RTL4: variants seen among roughly 807,000 people sequenced by gnomAD.
RTL4 encodes the protein retrotransposon Gag-like protein 4.
In RTL4, 4 loss-of-function variants were observed where a neutral mutation model predicts 5.3. That is an observed-to-expected ratio of 0.75 (90% CI 0.37 to 1.72). The LOEUF (loss-of-function observed/expected upper bound fraction) is 1.72, where lower values mean the gene tolerates loss of function less well. Ranked by LOEUF, RTL4 falls within the 40% of genes most tolerant of loss-of-function variation. The pLI, the probability that RTL4 is intolerant of heterozygous loss-of-function variation, is 0.04. For synonymous variants in RTL4, 98 were observed against 87.3 expected, an observed-to-expected ratio of 1.12 and a Z score of -0.68; for missense variants, 260 against 227.1, an observed-to-expected ratio of 1.14 and a Z score of -0.93.
chrX:112,445,284 G>A, the RTL4 span, among the ~76,000 whole-genome samples: 5 of 111,952 alleles, frequency 4.5e-5, no homozygotes, highest in Non-Finnish European at 7.5e-5. Context: ...TAGTTCTTCC[G>A]TTTACTTTCC....
chrX:112,332,158 TA>T, the RTL4 span, among the ~76,000 whole-genome samples: 9,280 of 92,618 alleles, frequency 0.1, 1,014 homozygotes, highest in African/African-American at 0.32. Context: ...TAAAGTACAA[TA>T]AAAAAAAAAA....
upstream of RTL4, among the ~76,000 whole-genome samples, chrX:112,452,436 T>C (rs182934906): frequency 9.2e-6 from 1 of 108,845 alleles, no homozygotes; most frequent in African/African-American, 3.3e-5. Flanking sequence ...TTGAAGAACA[T>C]CTTAGCTATC....
chrX:112,306,972 C>A, the RTL4 span, among the ~76,000 whole-genome samples: 5 of 102,431 alleles, frequency 4.9e-5, no homozygotes, highest in African/African-American at 1.8e-4. Flanking sequence ...CTCTGCTCAG[C>A]ATCTGTTAGA....
chrX:112,212,466 A>G, the RTL4 span, among the ~76,000 whole-genome samples: 1 of 112,978 alleles, frequency 8.9e-6, no homozygotes, highest in South Asian at 3.6e-4. Flanking sequence ...TGCTACTGCT[A>G]TTAGGACAAG....
chrX:112,447,223 T>G, the RTL4 span, among the ~76,000 whole-genome samples: 1 of 111,905 alleles, frequency 8.9e-6, no homozygotes, highest in African/African-American at 3.2e-5. Flanking sequence ...AAACATGGTT[T>G]CTCAGATAGA....
chrX:112,169,063 TC>T, the RTL4 span, among the ~76,000 whole-genome samples: 2 of 39,788 alleles, frequency 5.0e-5, no homozygotes, highest in African/African-American at 1.4e-4. Flanking sequence ...TTTCTTTCTT[TC>T]TTTCTTTTTT....
chrX:112,355,317 G>A, the RTL4 span, among the ~76,000 whole-genome samples: 1 of 111,279 alleles, frequency 9.0e-6, no homozygotes, highest in East Asian at 2.8e-4. Context: ...ATGGAAGGGA[G>A]ACTAAGAGGA....
At chrX:112,390,169 G>A in the RTL4 span, among the ~76,000 whole-genome samples, 5 of 64,276 alleles carry the variant, frequency 7.8e-5, no homozygotes, top group South Asian at 9.6e-4. Flanking sequence ...ATTTAGGATC[G>A]TGGCCAGGTG....
At chrX:112,279,607 TA>T in the RTL4 span, among the ~76,000 whole-genome samples, 33 of 109,138 alleles carry the variant, frequency 3.0e-4, no homozygotes, top group South Asian at 2.7e-3. Context: ...GAGGTTAACT[TA>T]AAAAAAAATG....
the RTL4 span, among the ~76,000 whole-genome samples, chrX:112,244,329 C>G: frequency 1.8e-5 from 2 of 111,441 alleles, no homozygotes; most frequent in African/African-American, 6.5e-5. Flanking sequence ...GTGTGGGAGT[C>G]TAAGTCTCTG....
At chrX:112,178,576 C>T in the RTL4 span, among the ~76,000 whole-genome samples, 10 of 111,657 alleles carry the variant, frequency 9.0e-5, no homozygotes, top group South Asian at 1.1e-3. Flanking sequence ...AAAAATTATT[C>T]TAAAATACAT....
chrX:112,358,379 A>G, the RTL4 span, among the ~76,000 whole-genome samples: 8 of 110,567 alleles, frequency 7.2e-5, no homozygotes, highest in East Asian at 1.1e-3. Context: ...ACTTGGATGC[A>G]TCTGTGAAAC....
the RTL4 span, among the ~76,000 whole-genome samples, chrX:112,412,393 C>T: frequency 9.0e-6 from 1 of 111,166 alleles, no homozygotes; most frequent in Admixed American, 9.6e-5. Context: ...CCCAGAATAG[C>T]CAAAGCTATC....
At chrX:112,309,190 C>T in the RTL4 span, among the ~76,000 whole-genome samples, 1 of 111,360 alleles carries the variant, frequency 9.0e-6, no homozygotes, top group Non-Finnish European at 1.9e-5. Flanking sequence ...ATGGCAAGTC[C>T]AAGGTTAAGG....
the RTL4 span, among the ~76,000 whole-genome samples, chrX:112,344,251 C>T: frequency 4.5e-5 from 5 of 112,089 alleles, no homozygotes; most frequent in Non-Finnish European, 7.5e-5. Flanking sequence ...CTCACCCTAA[C>T]ACCCACCTCT....
the RTL4 span, among the ~76,000 whole-genome samples, chrX:112,278,022 C>A: frequency 8.9e-6 from 1 of 111,754 alleles, no homozygotes; most frequent in Admixed American, 9.5e-5. Flanking sequence ...GGGAAATATA[C>A]CTCTATTTGA....
chrX:112,087,329 CTTTTT>C, the RTL4 span, among the ~76,000 whole-genome samples: 42 of 91,255 alleles, frequency 4.6e-4, no homozygotes, highest in African/African-American at 1.7e-3. Context: ...TGGTCTTCAG[CTTTTT>C]TTTTTTTTTT....
chrX:112,269,004 C>T, the RTL4 span, among the ~76,000 whole-genome samples: 6 of 111,987 alleles, frequency 5.4e-5, no homozygotes, highest in South Asian at 3.7e-4. Context: ...GTTCCATCTC[C>T]GTGACATTTC....
At chrX:112,113,629 G>A in the RTL4 span, among the ~76,000 whole-genome samples, 1 of 111,742 alleles carries the variant, frequency 8.9e-6, no homozygotes, top group East Asian at 2.8e-4. Flanking sequence ...GGCACCCTCA[G>A]TCCTATTGTT....
Sources: gnomAD v4.1 joint callset for allele counts (sites outside exome capture counted in the v4.1 genomes callset) on GRCh38, gnomAD v4.1.1 for gene constraint, MANE v1.5 for transcripts, NCBI Gene and HGNC (gene_info 2026-07-23, HGNC 2026-07-21) for gene names.